GABRG3: variants seen among roughly 807,000 people sequenced by gnomAD.
The protein encoded by GABRG3 is gamma-aminobutyric acid type A receptor subunit gamma3.
A neutral mutation model predicts 48.8 loss-of-function variants in GABRG3; 25 were observed. That is an observed-to-expected ratio of 0.51 (90% CI 0.37 to 0.72). The LOEUF is 0.72. GABRG3 is among the 30% of genes least tolerant of loss of function. GABRG3 has a pLI of 0.00. For synonymous variants in GABRG3, 227 were observed against 217.6 expected, an observed-to-expected ratio of 1.04 and a Z score of -0.38; for missense variants, 394 against 577.9, an observed-to-expected ratio of 0.68 and a Z score of 3.26.
intron 3 of GABRG3, among the ~76,000 whole-genome samples, chr15:27,239,600 C>T (rs1595606053): frequency 6.6e-6 from 1 of 152,072 alleles, no homozygotes; most frequent in Admixed American, 6.5e-5. Flanking sequence ...AAATTTAGAG[C>T]ATTGGTTTAA....
chr15:27,481,010 A>G, intron 6 of GABRG3: 2 of 1,369,344 alleles, frequency 1.5e-6, no homozygotes, highest in East Asian at 2.6e-5. Flanking sequence ...CTGTGTTTGC[A>G]TAATGTCTAT....
At chr15:27,312,891 A>G (rs78159599) in intron 3 of GABRG3, among the ~76,000 whole-genome samples, 4,005 of 151,974 alleles carry the variant, frequency 0.026, 136 homozygotes, top group East Asian at 0.088. Flanking sequence ...TAATAATGGT[A>G]GGTAAATCAC....
chr15:27,074,565 G>C (rs1896880489), intron 3 of GABRG3, among the ~76,000 whole-genome samples: 2 of 151,884 alleles, frequency 1.3e-5, no homozygotes, highest in Admixed American at 6.6e-5. Flanking sequence ...GGAGTACCAG[G>C]AGGTGGCTCT....
intron 3 of GABRG3, among the ~76,000 whole-genome samples, chr15:27,069,824 A>T (rs1896797684): frequency 6.6e-6 from 1 of 152,242 alleles, no homozygotes; most frequent in African/African-American, 2.4e-5. Flanking sequence ...TGCAAAAATC[A>T]GATGCCTTGG....
intron 5 of GABRG3, among the ~76,000 whole-genome samples, chr15:27,354,875 A>G (rs542328972): frequency 6.6e-6 from 1 of 152,362 alleles, no homozygotes; most frequent in Non-Finnish European, 1.5e-5. Context: ...CATGCTCAGT[A>G]CAAAGTCTAG....
At chr15:27,487,164 G>A (rs1169115272) in intron 6 of GABRG3, among the ~76,000 whole-genome samples, 1 of 152,094 alleles carries the variant, frequency 6.6e-6, no homozygotes, top group African/African-American at 2.4e-5. Flanking sequence ...ATTCAGACGG[G>A]AAATGCAGAA....
intron 3 of GABRG3, among the ~76,000 whole-genome samples, chr15:27,100,147 G>A (rs897585788): frequency 6.6e-6 from 1 of 151,242 alleles, no homozygotes; most frequent in Non-Finnish European, 1.5e-5. Context: ...GAACCCAGGA[G>A]GTGGAGGTTG....
At chr15:27,217,556 C>A (rs1054394492) in intron 3 of GABRG3, among the ~76,000 whole-genome samples, 1 of 152,174 alleles carries the variant, frequency 6.6e-6, no homozygotes, top group Non-Finnish European at 1.5e-5. Context: ...AAGCTCTGCC[C>A]AGCCCAGCAG....
At chr15:27,096,699 G>T (rs780345257) in intron 3 of GABRG3, among the ~76,000 whole-genome samples, 23 of 152,078 alleles carry the variant, frequency 1.5e-4, no homozygotes, top group Middle Eastern at 3.4e-3. Context: ...ATTCATACTG[G>T]GTCAGAAAAG....
chr15:27,046,890 A>G (rs1404895939), intron 3 of GABRG3, among the ~76,000 whole-genome samples: 1 of 152,096 alleles, frequency 6.6e-6, no homozygotes, highest in Non-Finnish European at 1.5e-5. Flanking sequence ...GTTTTCAGAC[A>G]AAGTGATGTT....
intron 3 of GABRG3, among the ~76,000 whole-genome samples, chr15:27,308,496 GT>G (rs1185277148): frequency 2.0e-4 from 30 of 146,550 alleles, no homozygotes; most frequent in Admixed American, 1.3e-3. Context: ...AAACATACAT[GT>G]TTTATATAAA....
intron 5 of GABRG3, among the ~76,000 whole-genome samples, chr15:27,358,571 C>T (rs1894918664): frequency 6.6e-6 from 1 of 152,014 alleles, no homozygotes; most frequent in Non-Finnish European, 1.5e-5. Flanking sequence ...CCTCACCTAG[C>T]AGGTCTGATG....
chr15:27,079,729 A>G (rs1290235241), intron 3 of GABRG3, among the ~76,000 whole-genome samples: 1 of 152,228 alleles, frequency 6.6e-6, no homozygotes, highest in African/African-American at 2.4e-5. Context: ...TTTGCTATAA[A>G]GCAAGGTAAA....
At chr15:27,369,925 C>T (rs961155689) in intron 5 of GABRG3, among the ~76,000 whole-genome samples, 1 of 151,528 alleles carries the variant, frequency 6.6e-6, no homozygotes. Flanking sequence ...AGGCTGAGGA[C>T]AGATGTTCCT....
At chr15:27,201,508 A>T (rs1837514759) in intron 3 of GABRG3, among the ~76,000 whole-genome samples, 1 of 151,622 alleles carries the variant, frequency 6.6e-6, no homozygotes, top group Non-Finnish European at 1.5e-5. Context: ...AGGGAAAGTG[A>T]GAGGGAGGGA....
chr15:27,336,115 G>A (rs1371423185), intron 5 of GABRG3, among the ~76,000 whole-genome samples: 1 of 151,952 alleles, frequency 6.6e-6, no homozygotes, highest in African/African-American at 2.4e-5. Flanking sequence ...CTTGAACCCT[G>A]GAGGCAGAGG....
chr15:27,060,312 T>A (rs2140721947), intron 3 of GABRG3, among the ~76,000 whole-genome samples: 1 of 152,358 alleles, frequency 6.6e-6, no homozygotes, highest in Non-Finnish European at 1.5e-5. Context: ...AATTCCTCCT[T>A]GGCCACACTG....
rs1163833107 is a variant in GABRG3 at position 27,541,972 on chromosome 15, A to C, written c.*9091A>C. On this transcript the variant is annotated 3_prime_UTR_variant, in exon 10 of 10. Transcript: ENST00000615808. Reference sequence around the variant, plus strand: ...GTACTTCTAATACAAATAAATGCACATGTTGTCAGAAATACCTGAGCTGGA... The same window carrying C: ...GTACTTCTAATACAAATAAATGCACCTGTTGTCAGAAATACCTGAGCTGGA... 1 of 152,318 alleles carries C rather than the reference A, an allele frequency of 6.6e-6. No individual in the cohort carries two copies. The highest frequency in any genetic ancestry group is 1.5e-5 in the Non-Finnish European group (1 of 68,132). The allele number at this position is 152,318 out of a possible 1,614,324, so 9.4% of individuals were successfully genotyped here. A position where few individuals can be genotyped will look rare whatever the true frequency, so the allele number is the denominator to read the frequency against.
At chr15:27,513,694 G>GA (rs146175957) in intron 6 of GABRG3, among the ~76,000 whole-genome samples, 9,610 of 151,764 alleles carry the variant, frequency 0.063, 1,086 homozygotes, top group African/African-American at 0.22. Flanking sequence ...GGCTGTATTG[G>GA]AAAAAAAATC....
Sources: gnomAD v4.1 joint callset for allele counts (sites outside exome capture counted in the v4.1 genomes callset) on GRCh38, gnomAD v4.1.1 for gene constraint, MANE v1.5 for transcripts, NCBI Gene and HGNC (gene_info 2026-07-23, HGNC 2026-07-21) for gene names.